Variants in GABRG3 observed in about 807,000 individuals in gnomAD.
GABRG3 encodes the protein gamma-aminobutyric acid type A receptor subunit gamma3.
Under a neutral mutation model 48.8 loss-of-function variants are expected in GABRG3, and 25 were observed. That is an observed-to-expected ratio of 0.51 (90% CI 0.37 to 0.72). GABRG3 has a LOEUF of 0.72. GABRG3 is among the 30% of genes least tolerant of loss of function. The pLI is 0.00. For missense variants in GABRG3, 394 were observed against 577.9 expected, an observed-to-expected ratio of 0.68 and a Z score of 3.26; for synonymous variants, 227 against 217.6, an observed-to-expected ratio of 1.04 and a Z score of -0.38.
chr15:27,465,572 A>G (rs973827660), intron 5 of GABRG3, among the ~76,000 whole-genome samples: 1 of 152,196 alleles, frequency 6.6e-6, no homozygotes, highest in Non-Finnish European at 1.5e-5. Flanking sequence ...GAAAGGCCAG[A>G]TGATTTCGTG....
At chr15:27,103,375 C>T (rs1897393604) in intron 3 of GABRG3, among the ~76,000 whole-genome samples, 1 of 152,112 alleles carries the variant, frequency 6.6e-6, no homozygotes, top group Non-Finnish European at 1.5e-5. Context: ...GTGTCTGAAC[C>T]ACAGAACCCT....
At chr15:27,035,924 G>A (rs1448630667) in intron 3 of GABRG3, among the ~76,000 whole-genome samples, 1 of 152,246 alleles carries the variant, frequency 6.6e-6, no homozygotes, top group African/African-American at 2.4e-5. Flanking sequence ...GTGGGCTGCA[G>A]AAGAGGCTGT....
intron 3 of GABRG3, among the ~76,000 whole-genome samples, chr15:27,115,011 G>A (rs1237951680): frequency 6.6e-6 from 1 of 152,062 alleles, no homozygotes; most frequent in Non-Finnish European, 1.5e-5. Context: ...TTAGATAAAT[G>A]TTGATAACTT....
At chr15:27,344,062 A>G (rs150648954) in intron 5 of GABRG3, among the ~76,000 whole-genome samples, 222 of 152,360 alleles carry the variant, frequency 1.5e-3, no homozygotes, top group African/African-American at 5.0e-3. Context: ...AAAGGAGGAC[A>G]TTCAGCTCAT....
intron 3 of GABRG3, among the ~76,000 whole-genome samples, chr15:27,053,797 A>G (rs1896493932): frequency 6.6e-6 from 1 of 152,262 alleles, no homozygotes; most frequent in Non-Finnish European, 1.5e-5. Context: ...GCCATTAAGA[A>G]AGAATGAAGG....
intron 3 of GABRG3, among the ~76,000 whole-genome samples, chr15:27,128,571 C>T (rs139313957): frequency 6.1e-4 from 93 of 152,292 alleles, no homozygotes; most frequent in African/African-American, 1.9e-3. Flanking sequence ...TGCATTGACA[C>T]GTTGCTGATA....
intron 3 of GABRG3, among the ~76,000 whole-genome samples, chr15:27,229,346 A>G (rs879220052): frequency 2.6e-5 from 4 of 151,888 alleles, no homozygotes; most frequent in African/African-American, 4.8e-5. Flanking sequence ...AGTTTTCCCC[A>G]TGGCTTGTTT....
chr15:27,308,938 A>T (rs1448609157), intron 3 of GABRG3, among the ~76,000 whole-genome samples: 1 of 144,466 alleles, frequency 6.9e-6, no homozygotes, highest in Non-Finnish European at 1.5e-5. Flanking sequence ...GAAAACACAT[A>T]TAATGTAAAC....
intron 3 of GABRG3, among the ~76,000 whole-genome samples, chr15:27,229,692 G>C (rs1288304258): frequency 2.6e-5 from 4 of 152,086 alleles, no homozygotes; most frequent in African/African-American, 4.8e-5. Context: ...GGCCAGGCTG[G>C]TCTCTAACTC....
intron 2 of GABRG3, among the ~76,000 whole-genome samples, chr15:27,020,665 C>A (rs113046420): frequency 6.6e-6 from 1 of 152,062 alleles, no homozygotes; most frequent in Non-Finnish European, 1.5e-5. Flanking sequence ...GATCCGCCCC[C>A]CTCTGCCTCC....
intron 3 of GABRG3, among the ~76,000 whole-genome samples, chr15:27,127,227 T>C (rs1244194315): frequency 1.3e-5 from 2 of 151,962 alleles, no homozygotes; most frequent in African/African-American, 4.8e-5. Flanking sequence ...ATGGGATGAA[T>C]AGATAAAATA....
chr15:27,520,442 A>G lies in GABRG3; in HGVS notation c.865+318A>G, dbSNP rs113220907. Among the ~76,000 whole-genome samples the G allele has an allele frequency of 2.1e-3, 321 of 151,586 alleles. 2 individuals carry two copies. Among genetic ancestry groups the G allele is most frequent in the African/African-American group, 6.6e-3 (273 of 41,220 alleles). On this transcript the variant is annotated intron_variant, in intron 7 of 9. Coordinates refer to ENST00000615808, the MANE Select transcript of GABRG3 (RefSeq NM_033223.5). ...AACCTGTCAACTCAAAAGTCCCCAT[A>G]CGTTAATGTCAGGAAACAGAATTTG...
rs537093826 is a variant in GABRG3 at position 27,351,479 on chromosome 15, GGTGT to G, written c.574+22596_574+22599del. On this transcript the variant is annotated intron_variant, in intron 5 of 9. Coordinates refer to ENST00000615808, the MANE Select transcript of GABRG3 (RefSeq NM_033223.5). ...TGTGTTTGTGTGTGTATGTTTGTAT[GGTGT>G]GTGTATGGTGTGTGTGTGTTGGTAT... Among the ~76,000 whole-genome samples, 940 of 138,522 alleles carry G rather than the reference GGTGT, an allele frequency of 6.8e-3. 6 individuals are homozygous for G. The highest frequency in any genetic ancestry group is 0.01 in the Non-Finnish European group (655 of 63,804). 90.9% of individuals were successfully genotyped at this position (138,522 alleles called of 152,430 possible).
chr15:27,323,776 C>T (rs1186660798), intron 3 of GABRG3, among the ~76,000 whole-genome samples: 1 of 152,182 alleles, frequency 6.6e-6, no homozygotes, highest in African/African-American at 2.4e-5. Context: ...AGAACCCTTT[C>T]CCTCCTTCCC....
At chr15:27,516,825 T>C (rs1480270396) in intron 6 of GABRG3, among the ~76,000 whole-genome samples, 1 of 152,246 alleles carries the variant, frequency 6.6e-6, no homozygotes, top group African/African-American at 2.4e-5. Context: ...CAAATTTTAT[T>C]TCTATGTTTA....
Position 27,480,697 on chromosome 15 carries a change from G to T in GABRG3, c.622G>T (p.Val208Leu), listed in dbSNP as rs1260921797. 1.2e-6 allele frequency: 2 copies of T among 1,612,560 alleles called. No homozygotes were observed. The highest frequency in any genetic ancestry group is 4.5e-5 in the East Asian group (2 of 44,824). The change falls in exon 6 of 10, where the codon GTG becomes TTG. Residue 208 changes from valine to leucine, a missense_variant. Physicochemically the swap from Val to Leu is conservative, Grantham distance 32. Coordinates refer to ENST00000615808, the MANE Select transcript of GABRG3 (RefSeq NM_033223.5). The part of the protein sequence containing the change: ...EMIYRWRKNS[V>L]EAADQKSWRL... ...GATTTATAGATGGAGAAAAAATTCA[G>T]TGGAGGCAGCTGACCAGAAATCATG...
In GABRG3 at chr15:27,205,367, G is replaced by A. The variant is rs556346691; in HGVS notation, c.271-121442G>A. Among the ~76,000 whole-genome samples the A allele has an allele frequency of 1.9e-4, 29 of 152,124 alleles. No individual in the cohort carries two copies. The East Asian group carries it at 4.8e-3, about 25-fold the overall frequency. On this transcript the variant is annotated intron_variant, in intron 3 of 9. Coordinates refer to ENST00000615808, the MANE Select transcript of GABRG3 (RefSeq NM_033223.5). The stretch of plus-strand genomic sequence containing the variant: ...TGTGATGAATCACATTTATTGATTT[G>A]CATATGTTGAAGCAATGTTGCATCC...
intron 5 of GABRG3, among the ~76,000 whole-genome samples, chr15:27,340,093 C>T (rs1894116733): frequency 6.6e-6 from 1 of 152,114 alleles, no homozygotes; most frequent in African/African-American, 2.4e-5. Context: ...CTCTAAACCT[C>T]CCTTTCCCCA....
chr15:27,419,516 A>C (rs1264298639), intron 5 of GABRG3, among the ~76,000 whole-genome samples: 1 of 152,120 alleles, frequency 6.6e-6, no homozygotes. Context: ...CACTCACAAG[A>C]GGAAATACAA....
Sources: allele counts gnomAD v4.1 joint callset (sites outside exome capture counted in the v4.1 genomes callset), GRCh38; gene constraint gnomAD v4.1.1; transcripts MANE v1.5; gene names NCBI Gene and HGNC (gene_info 2026-07-23, HGNC 2026-07-21).